CHD6: variants seen among roughly 807,000 people sequenced by gnomAD.
CHD6 encodes the protein chromodomain helicase DNA binding protein 6.
A neutral mutation model predicts 276.9 loss-of-function variants in CHD6; 50 were observed. That is an observed-to-expected ratio of 0.18 (90% CI 0.14 to 0.23). CHD6 has a LOEUF of 0.23. CHD6 is among the 10% of genes least tolerant of loss of function. The pLI, the probability that CHD6 is intolerant of heterozygous loss-of-function variation, is 1.00. For synonymous variants in CHD6, 1,173 were observed against 1,229.3 expected (o/e 0.95, Z 0.96); for missense variants, 2,564 against 3,365.8 (o/e 0.76, Z 5.89).
Position 41,484,565 on chromosome 20 carries a change from G to A in CHD6, c.2044C>T (p.Arg682Trp). The A allele has an allele frequency of 6.2e-7, 1 of 1,613,744 alleles. No homozygotes were observed. Among genetic ancestry groups the A allele is most frequent in the Non-Finnish European group, 8.5e-7 (1 of 1,179,800 alleles). Residue 682 changes from arginine (R) to tryptophan (W), a missense_variant, in exon 15 of 37, where the codon CGG becomes TGG. Arg to Trp is a moderately radical substitution (Grantham distance 101). Around this residue, in one of 7 missense-constraint regions of CHD6, gnomAD observed 457 missense variants for 889.0 expected, o/e 0.51. Coordinates refer to ENST00000373233, the MANE Select transcript of CHD6 (RefSeq NM_032221.5). ...QSILKPMMLR[R>W]LKDDVEKNLA... is the part of the protein sequence containing the mutation. ...TTCTTTTCCACATCATCTTTCAGCC[G>A]CCGAAGCATCATTGGTTTTAGGATA...
intron 5 of CHD6, among the ~76,000 whole-genome samples, chr20:41,504,793 T>G (rs2043937522): frequency 6.6e-6 from 1 of 152,178 alleles, no homozygotes; most frequent in Admixed American, 6.5e-5. Context: ...TCACCTAGGG[T>G]CTGCTTCTAT....
At chr20:41,556,326 CTTT>C (rs537227082) in intron 1 of CHD6, among the ~76,000 whole-genome samples, 4 of 102,234 alleles carry the variant, frequency 3.9e-5, no homozygotes, top group African/African-American at 8.1e-5. Flanking sequence ...GAGAGGGCAC[CTTT>C]TTTTTTTTTT....
At chr20:41,589,734 G>C (rs1016215325) in intron 1 of CHD6, among the ~76,000 whole-genome samples, 2 of 152,186 alleles carry the variant, frequency 1.3e-5, no homozygotes, top group Non-Finnish European at 2.9e-5. Flanking sequence ...CAAACAAATG[G>C]AAGAACATTC....
intron 1 of CHD6, among the ~76,000 whole-genome samples, chr20:41,595,396 C>T (rs373657029): frequency 1.3e-5 from 2 of 152,072 alleles, no homozygotes; most frequent in Non-Finnish European, 2.9e-5. Flanking sequence ...CCTTTCCTGT[C>T]GGGGGTTTAT....
chr20:41,446,395 C>T (rs1479333944), intron 24 of CHD6, among the ~76,000 whole-genome samples: 1 of 151,914 alleles, frequency 6.6e-6, no homozygotes, highest in Non-Finnish European at 1.5e-5. Flanking sequence ...GCACATAACT[C>T]ACCCCAGGGC....
chr20:41,481,509 T>A lies in CHD6; in HGVS notation c.2468+1800A>T, dbSNP rs545773381. 3.9e-5 allele frequency among the ~76,000 whole-genome samples: 6 copies of A among 152,172 alleles called. No individual in the cohort carries two copies. In the South Asian group the frequency reaches 1.2e-3, roughly 32 times the overall value. On this transcript the variant is annotated intron_variant, in intron 16 of 36. Coordinates refer to ENST00000373233, the MANE Select transcript of CHD6 (RefSeq NM_032221.5). ...TCACAATTACAAATTAAAGAGAGAA[T>A]AATTTTGAATTACTGGATTAGCAAA...
At chr20:41,557,143 C>G (rs1393163479) in intron 1 of CHD6, among the ~76,000 whole-genome samples, 3 of 152,192 alleles carry the variant, frequency 2.0e-5, no homozygotes, top group Non-Finnish European at 4.4e-5. Context: ...GAAAACTTGT[C>G]AACAGCGGAA....
chr20:41,423,607 C>G lies in CHD6; in HGVS notation c.4440G>C (p.Gln1480His), dbSNP rs569454917. The G allele has an allele frequency of 5.0e-6, 8 of 1,614,224 alleles. No individual in the cohort carries two copies. The East Asian group carries it at 1.1e-4, about 22-fold the overall frequency. ...DQEKKTFDWT[Q>H]FRIISRLDKK... ...TGTCCAAACGGGAAATGATGCGGAACTGTGTCCAGTCAAAGGTTTTCTTTT... is the reference window on the plus strand; with the variant it reads ...TGTCCAAACGGGAAATGATGCGGAAGTGTGTCCAGTCAAAGGTTTTCTTTT... Residue 1480 changes from glutamine (Q) to histidine (H), a missense_variant, in exon 30 of 37, where the codon CAG (glutamine) becomes CAC (histidine). Gln to His is a conservative substitution (Grantham distance 24, BLOSUM62 0). Around this residue, in one of 7 missense-constraint regions of CHD6, gnomAD observed 515 missense variants for 739.5 expected, o/e 0.70. Transcript: ENST00000373233.
At chr20:41,544,734 T>C (rs2045007992) in intron 2 of CHD6, among the ~76,000 whole-genome samples, 2 of 150,572 alleles carry the variant, frequency 1.3e-5, no homozygotes, top group South Asian at 4.1e-4. Flanking sequence ...ATATGATTAC[T>C]ATATAATCAT....
At chr20:41,463,536 G>A (rs781260756) in intron 17 of CHD6, among the ~76,000 whole-genome samples, 1 of 152,158 alleles carries the variant, frequency 6.6e-6, no homozygotes, top group Non-Finnish European at 1.5e-5. Context: ...ATATTGAGAT[G>A]GCTGTGTCAG....
At chr20:41,580,841 T>C (rs1390518809) in intron 1 of CHD6, among the ~76,000 whole-genome samples, 1 of 152,160 alleles carries the variant, frequency 6.6e-6, no homozygotes, top group Non-Finnish European at 1.5e-5. Context: ...TGAAAGCTAA[T>C]CTGGGAAATT....
chr20:41,450,209 C>T (rs773009876), intron 23 of CHD6, among the ~76,000 whole-genome samples: 12 of 152,162 alleles, frequency 7.9e-5, no homozygotes, highest in Non-Finnish European at 1.6e-4. Context: ...CAAGCAAAAG[C>T]TCTTAACCTA....
rs1290504611 is a variant in CHD6, at chr20:41,415,586, G to A, written c.6539C>T (p.Pro2180Leu). Reference protein sequence around the residue: ...FTKDEQKHRRPYEFEVERDAK... With the variant: ...FTKDEQKHRRLYEFEVERDAK... ...ATCCCTCTCCACCTCAAACTCATAG[G>A]GACGCCTGTGCTTTTGTTCATCCTT... Residue 2180 changes from proline (P) to leucine (L), a missense_variant, in exon 34 of 37, where the codon CCC (proline) becomes CTC (leucine). By Grantham distance (98) the Pro-to-Leu change is moderately conservative. Transcript: ENST00000373233. 1.2e-6 allele frequency: 2 copies of A among 1,611,980 alleles called. No individual in the cohort carries two copies.
chr20:41,555,056 G>A (rs1200824540), intron 1 of CHD6, among the ~76,000 whole-genome samples: 2 of 147,726 alleles, frequency 1.4e-5, no homozygotes, highest in Non-Finnish European at 3.0e-5. Context: ...GCCGGGTGGG[G>A]GGCTGATTCC....
Position 41,562,010 on chromosome 20 carries a change from A to G in CHD6, c.-23-10650T>C, listed in dbSNP as rs867060199. 5.9e-5 allele frequency among the ~76,000 whole-genome samples: 9 copies of G among 152,160 alleles called. No homozygotes were observed. In the Middle Eastern group the frequency reaches 0.014, roughly 230 times the overall value. On this transcript the variant is annotated intron_variant, in intron 1 of 36. Transcript: ENST00000373233. ...AATTCCTCTGGTATTATTTCTTCAT[A>G]ATTCCCTCCCTATTGTTTTCTTTTA... is the stretch of plus-strand genomic sequence containing the variant.
intron 1 of CHD6, among the ~76,000 whole-genome samples, chr20:41,608,747 A>G (rs1298300337): frequency 6.6e-6 from 1 of 152,224 alleles, no homozygotes; most frequent in Non-Finnish European, 1.5e-5. Context: ...CAAGATAGAA[A>G]GTAGCTTTGG....
intron 1 of CHD6, among the ~76,000 whole-genome samples, chr20:41,560,001 T>C (rs886525792): frequency 2.6e-5 from 4 of 152,100 alleles, no homozygotes; most frequent in African/African-American, 4.8e-5. Flanking sequence ...TCCTTCCCTT[T>C]CCCGTAACTC....
chr20:41,498,070 G>C, intron 7 of CHD6, 98 bp downstream of exon 7: 1 of 853,632 alleles, frequency 1.2e-6, no homozygotes, highest in Non-Finnish European at 1.9e-6. Flanking sequence ...TGCCTTAGAG[G>C]CAAGACTCTG....
At chr20:41,533,964 T>C (rs1242946884) in intron 2 of CHD6, among the ~76,000 whole-genome samples, 4 of 152,218 alleles carry the variant, frequency 2.6e-5, no homozygotes, top group Non-Finnish European at 4.4e-5. Context: ...AAAGGATGTG[T>C]CACAGGTGCT....
Sources: gnomAD v4.1 joint callset for allele counts (sites outside exome capture counted in the v4.1 genomes callset) on GRCh38, gnomAD v4.1.1 for gene constraint, gnomAD v4.1.1 regional missense constraint, MANE v1.5 for transcripts, NCBI Gene and HGNC (gene_info 2026-07-23, HGNC 2026-07-21) for gene names.